The following CNTN3 variants were observed in gnomAD, a reference collection of about 807,000 sequenced individuals.
The protein encoded by CNTN3 is contactin 3, also known as contactin-3.
A neutral mutation model predicts 119.1 loss-of-function variants in CNTN3; 60 were observed. That is an observed-to-expected ratio of 0.50 (90% CI 0.41 to 0.62). CNTN3 has a LOEUF of 0.62. CNTN3 is among the 20% of genes least tolerant of loss of function. The pLI is 0.00. For missense variants in CNTN3, 1,101 were observed against 1,242.4 expected, an observed-to-expected ratio of 0.89 and a Z score of 1.71; for synonymous variants, 450 against 438.7, an observed-to-expected ratio of 1.03 and a Z score of -0.32.
intron 4 of CNTN3, 54 bp downstream of exon 4, chr3:74,486,402 T>G: frequency 1.4e-6 from 2 of 1,479,864 alleles, no homozygotes; most frequent in South Asian, 2.5e-5. Flanking sequence ...CTACACAAAT[T>G]AAGTTACATA....
intron 5 of CNTN3, among the ~76,000 whole-genome samples, chr3:74,401,465 T>C (rs1705188945): frequency 6.6e-6 from 1 of 152,014 alleles, no homozygotes; most frequent in Admixed American, 6.6e-5. Context: ...TCTCCACTCA[T>C]ATTCACTCTC....
rs115722498 is a variant in CNTN3 at position 74,481,442 on chromosome 3, C to T, written c.358+5014G>A. Among the ~76,000 whole-genome samples the T allele has an allele frequency of 6.7e-3, 1,015 of 151,840 alleles. 11 individuals are homozygous for T. The highest frequency in any genetic ancestry group is 0.024 in the African/African-American group (986 of 41,470). ...GGGATACTAGGTTAGAAATCAGTAT[C>T]AAAAGATGACTAGTAAAACTCCACA... On this transcript the variant is annotated intron_variant, in intron 4 of 22. Transcript: ENST00000263665.
chr3:74,508,905 CT>C (rs1454357537), intron 2 of CNTN3, among the ~76,000 whole-genome samples: 2 of 152,064 alleles, frequency 1.3e-5, no homozygotes, highest in Non-Finnish European at 2.9e-5. Context: ...TGAAACCAAC[CT>C]TGGCAATGTA....
intron 4 of CNTN3, among the ~76,000 whole-genome samples, chr3:74,481,844 T>C (rs1702769718): frequency 6.6e-6 from 1 of 151,730 alleles, no homozygotes; most frequent in African/African-American, 2.4e-5. Flanking sequence ...AGATAATATT[T>C]ATAAGAGAAA....
intron 4 of CNTN3, among the ~76,000 whole-genome samples, chr3:74,484,911 TGAA>T (rs72122221): frequency 0.014 from 2,163 of 152,284 alleles, 46 homozygotes; most frequent in African/African-American, 0.047. Flanking sequence ...GAAACATACT[TGAA>T]TTTTTTAATG....
intron 2 of CNTN3, among the ~76,000 whole-genome samples, chr3:74,520,345 G>T (rs943161875): frequency 6.6e-5 from 10 of 151,444 alleles, no homozygotes; most frequent in African/African-American, 2.4e-4. Flanking sequence ...TTCATTCATT[G>T]TATTATTGTT....
At position 74,540,875 on chromosome 3, in the gene CNTN3, G is replaced by T. The variant is rs117740771; in HGVS notation, c.-80-19683C>A. 2.5e-3 allele frequency among the ~76,000 whole-genome samples: 387 copies of T among 152,162 alleles called. 7 individuals are homozygous for T. The East Asian group carries it at 0.046, about 18-fold the overall frequency. On this transcript the variant is annotated intron_variant, in intron 1 of 22. Coordinates refer to ENST00000263665, the MANE Select transcript of CNTN3 (RefSeq NM_020872.3). Reference sequence around the variant, plus strand: ...TTATATGTGCATATATACACAGGCAGTATATTTAATTTCTATGTTTGCAAT... The same window carrying T: ...TTATATGTGCATATATACACAGGCATTATATTTAATTTCTATGTTTGCAAT...
chr3:74,537,352 G>C (rs929377178), intron 1 of CNTN3, among the ~76,000 whole-genome samples: 2 of 152,058 alleles, frequency 1.3e-5, no homozygotes, highest in African/African-American at 4.8e-5. Context: ...CAGACCATGT[G>C]GGGGAACTAT....
At chr3:74,455,368 A>C (rs942584812) in intron 4 of CNTN3, among the ~76,000 whole-genome samples, 1 of 151,806 alleles carries the variant, frequency 6.6e-6, no homozygotes, top group Non-Finnish European at 1.5e-5. Flanking sequence ...TCCTTTAAGC[A>C]CTTCTCTGTA....
chr3:74,557,719 C>T (rs1416462576), intron 1 of CNTN3, among the ~76,000 whole-genome samples: 1 of 84,466 alleles, frequency 1.2e-5, no homozygotes, highest in Non-Finnish European at 2.2e-5. Context: ...GCCAGAACAG[C>T]AACAGATGAA....
At chr3:74,409,440 A>C (rs944300031) in intron 5 of CNTN3, among the ~76,000 whole-genome samples, 3 of 147,870 alleles carry the variant, frequency 2.0e-5, no homozygotes, top group African/African-American at 7.5e-5. Context: ...AACCTCTTCC[A>C]GTTTTTTGTG....
intron 4 of CNTN3, among the ~76,000 whole-genome samples, chr3:74,439,398 T>C (rs1213813821): frequency 7.9e-6 from 1 of 126,600 alleles, no homozygotes; most frequent in Non-Finnish European, 1.8e-5. Flanking sequence ...TCCCAGCTAC[T>C]CAGGAGGCTG....
chr3:74,576,051 G>A (rs1313359731), intron 1 of CNTN3, among the ~76,000 whole-genome samples: 1 of 151,964 alleles, frequency 6.6e-6, no homozygotes, highest in African/African-American at 2.4e-5. Context: ...TTGGGCCCTA[G>A]GCGTCTGCTC....
intron 5 of CNTN3, among the ~76,000 whole-genome samples, chr3:74,378,222 T>C (rs1277167199): frequency 1.3e-5 from 2 of 152,200 alleles, no homozygotes; most frequent in Non-Finnish European, 2.9e-5. Flanking sequence ...ATGTACTCAA[T>C]GATCTAAAAC....
intron 4 of CNTN3, among the ~76,000 whole-genome samples, chr3:74,447,084 G>A (rs934927418): frequency 2.0e-5 from 3 of 152,142 alleles, no homozygotes; most frequent in African/African-American, 7.2e-5. Flanking sequence ...TAAATGAGGA[G>A]CGCCTGACAA....
At chr3:74,371,629 A>G (rs756265882) in intron 5 of CNTN3, among the ~76,000 whole-genome samples, 3 of 152,040 alleles carry the variant, frequency 2.0e-5, no homozygotes, top group Non-Finnish European at 4.4e-5. Flanking sequence ...TTACTGTCAT[A>G]ATATCTCTGC....
chr3:74,457,004 C>T (rs756071189), intron 4 of CNTN3, among the ~76,000 whole-genome samples: 6 of 151,910 alleles, frequency 3.9e-5, no homozygotes, highest in Non-Finnish European at 8.8e-5. Flanking sequence ...AAAGTTCTTT[C>T]ACAAATATGC....
At chr3:74,306,703 C>T (rs1456724374) in intron 13 of CNTN3, among the ~76,000 whole-genome samples, 1 of 152,122 alleles carries the variant, frequency 6.6e-6, no homozygotes, top group Non-Finnish European at 1.5e-5. Context: ...AAGTCTATTC[C>T]AGTATCTTAC....
intron 5 of CNTN3, among the ~76,000 whole-genome samples, chr3:74,386,872 G>A (rs1704760125): frequency 6.6e-6 from 1 of 152,178 alleles, no homozygotes; most frequent in African/African-American, 2.4e-5. Flanking sequence ...TCCTCAGAGG[G>A]TATCCTGCAA....
Sources: gnomAD v4.1 joint callset for allele counts (sites outside exome capture counted in the v4.1 genomes callset) on GRCh38, gnomAD v4.1.1 for gene constraint, MANE v1.5 for transcripts, NCBI Gene and HGNC (gene_info 2026-07-23, HGNC 2026-07-21) for gene names.